GRIK4: variants seen among roughly 807,000 people sequenced by gnomAD.
GRIK4 encodes glutamate ionotropic receptor kainate type subunit 4, also known as glutamate receptor ionotropic, kainate 4.
Under a neutral mutation model 104.9 loss-of-function variants are expected in GRIK4, and 40 were observed. The observed-to-expected ratio is 0.38, with a 90% CI of 0.30 to 0.50. The LOEUF (loss-of-function observed/expected upper bound fraction) is 0.50, where lower values mean the gene tolerates loss of function less well. GRIK4 is among the 20% of genes least tolerant of loss of function. The probability of loss-of-function intolerance (pLI) is 0.93; values close to 1 mark genes in which losing one functional copy is unlikely to be tolerated. For missense variants in GRIK4, 1,047 were observed against 1,308.1 expected (o/e 0.80, Z 3.08); for synonymous variants, 485 against 524.9 (o/e 0.92, Z 1.04).
chr11:120,760,219 T>C (rs1352055721), intron 3 of GRIK4, among the ~76,000 whole-genome samples: 6 of 151,756 alleles, frequency 4.0e-5, no homozygotes, highest in African/African-American at 1.4e-4. Context: ...AAAAATATTC[T>C]ACATATAACT....
rs547473094 is a variant in GRIK4, at chr11:120,731,075, C to T, written c.82+70675C>T. Among the ~76,000 whole-genome samples, 50 of 152,100 alleles carry T rather than the reference C, an allele frequency of 3.3e-4. No homozygotes were observed. In the East Asian group the frequency reaches 5.4e-3, roughly 16 times the overall value. On this transcript the variant is annotated intron_variant, in intron 3 of 20. Coordinates refer to ENST00000527524, the MANE Select transcript of GRIK4 (RefSeq NM_014619.5). ...TTTCTTTCTTTCTCTTGTCTGATTG[C>T]TCTAGCTAGGACTTCCAGTACTATG...
Position 120,836,851 on chromosome 11 carries a change from T to A in GRIK4, c.744+7T>A, listed in dbSNP as rs2135574250. On this transcript the variant is annotated splice_region_variant and intron_variant, in intron 8 of 20. Transcript: ENST00000527524. ...ATACATCTTCACTAATCTGGTAAGA[T>A]GTTCTCACAGCTCACCTCCTTGGAA... 1.9e-6 allele frequency: 3 copies of A among 1,552,774 alleles called. No individual in the cohort carries two copies. The highest frequency in any genetic ancestry group is 2.2e-5 in the East Asian group (1 of 44,632).
At chr11:120,871,258 T>C (rs1954602708) in intron 9 of GRIK4, 1 of 184,632 alleles carries the variant, frequency 5.4e-6, no homozygotes, top group African/African-American at 2.3e-5. Context: ...AAAGGGAGAA[T>C]CTGCAGCATT....
chr11:120,862,149 G>T (rs758833030), intron 9 of GRIK4, 29 bp downstream of exon 9: 2 of 1,600,316 alleles, frequency 1.2e-6, no homozygotes, highest in Non-Finnish European at 1.7e-6. Context: ...TCTTCCTGGT[G>T]CCCCTTGGCC....
At chr11:120,735,017 A>G (rs1218212403) in intron 3 of GRIK4, among the ~76,000 whole-genome samples, 6 of 152,168 alleles carry the variant, frequency 3.9e-5, no homozygotes, top group African/African-American at 9.7e-5. Flanking sequence ...CAACACAGCT[A>G]TTTTGAATTC....
At chr11:120,797,232 C>T (rs1952537288) in intron 3 of GRIK4, among the ~76,000 whole-genome samples, 1 of 152,192 alleles carries the variant, frequency 6.6e-6, no homozygotes, top group African/African-American at 2.4e-5. Flanking sequence ...CCCCAGACCT[C>T]CCAGCCTCAC....
chr11:120,922,216 A>G (rs775540019), intron 13 of GRIK4, among the ~76,000 whole-genome samples: 14 of 152,298 alleles, frequency 9.2e-5, no homozygotes, highest in Middle Eastern at 3.4e-3. Flanking sequence ...TATTGCCCCC[A>G]TTTTATAGAT....
chr11:120,727,385 G>A (rs1453919608), intron 3 of GRIK4, among the ~76,000 whole-genome samples: 1 of 152,176 alleles, frequency 6.6e-6, no homozygotes, highest in African/African-American at 2.4e-5. Context: ...CAGAAAGGAA[G>A]CCACCAGAAA....
intron 3 of GRIK4, among the ~76,000 whole-genome samples, chr11:120,774,267 G>T (rs1273675675): frequency 6.6e-6 from 1 of 152,194 alleles, no homozygotes; most frequent in Non-Finnish European, 1.5e-5. Context: ...TGCTAGGGAG[G>T]TGGCTTTAGG....
chr11:120,890,076 C>T (rs537989868), intron 11 of GRIK4, among the ~76,000 whole-genome samples: 1 of 152,296 alleles, frequency 6.6e-6, no homozygotes, highest in East Asian at 1.9e-4. Context: ...AATCTCCTGA[C>T]TTCTGGCCGG....
chr11:120,637,994 C>G (rs1250591131), intron 1 of GRIK4, among the ~76,000 whole-genome samples: 6 of 152,206 alleles, frequency 3.9e-5, no homozygotes, highest in Non-Finnish European at 7.4e-5. Flanking sequence ...ATTCTCCTGT[C>G]TCAGCCTCCT....
chr11:120,561,941 A>G (rs945117354), intron 1 of GRIK4, among the ~76,000 whole-genome samples: 4 of 152,248 alleles, frequency 2.6e-5, no homozygotes, highest in Non-Finnish European at 5.9e-5. Context: ...GGCAAAGAAT[A>G]TCCAGGAGGG....
At chr11:120,806,810 G>A (rs1952721020) in intron 4 of GRIK4, among the ~76,000 whole-genome samples, 1 of 152,306 alleles carries the variant, frequency 6.6e-6, no homozygotes. Flanking sequence ...GAAGCCAGAG[G>A]TCAGCCCCCT....
In GRIK4 at chr11:120,929,745, C is replaced by A. The variant is rs539192338; in HGVS notation, c.1477-10602C>A. 3.3e-5 allele frequency among the ~76,000 whole-genome samples: 5 copies of A among 152,238 alleles called. No individual in the cohort carries two copies. The South Asian group carries it at 1.0e-3, about 32-fold the overall frequency. On this transcript the variant is annotated intron_variant, in intron 13 of 20. Coordinates refer to ENST00000527524, the MANE Select transcript of GRIK4 (RefSeq NM_014619.5). ...TGGGGCCCTTCCTCTTCTGGTTGGG[C>A]GTCCCACATGACACCGTCCAAGGTG...
chr11:120,601,159 A>G (rs1948880700), intron 1 of GRIK4, among the ~76,000 whole-genome samples: 1 of 151,928 alleles, frequency 6.6e-6, no homozygotes, highest in African/African-American at 2.4e-5. Flanking sequence ...TAATCCCAGC[A>G]CTTTGGGAGG....
At chr11:120,927,096 T>C (rs759972097) in intron 13 of GRIK4, among the ~76,000 whole-genome samples, 55 of 152,016 alleles carry the variant, frequency 3.6e-4, no homozygotes, top group Non-Finnish European at 7.1e-4. Flanking sequence ...TGTTCAGAAA[T>C]CAGGATGGGG....
At chr11:120,877,020 G>C (rs897105882) in intron 11 of GRIK4, among the ~76,000 whole-genome samples, 1 of 152,194 alleles carries the variant, frequency 6.6e-6, no homozygotes, top group African/African-American at 2.4e-5. Flanking sequence ...TAATTATGCT[G>C]GGCCCTGAGG....
At chr11:120,585,276 A>G (rs1007865077) in intron 1 of GRIK4, among the ~76,000 whole-genome samples, 16 of 152,164 alleles carry the variant, frequency 1.1e-4, no homozygotes, top group African/African-American at 3.4e-4. Flanking sequence ...GGGTACACAC[A>G]TATCTCTTTG....
At chr11:120,665,516 A>T (rs1373819405) in intron 3 of GRIK4, among the ~76,000 whole-genome samples, 1 of 152,116 alleles carries the variant, frequency 6.6e-6, no homozygotes, top group Admixed American at 6.5e-5. Context: ...TCATGTCTGT[A>T]TTTCCAGAGT....
Sources: allele counts gnomAD v4.1 joint callset (sites outside exome capture counted in the v4.1 genomes callset), GRCh38; gene constraint gnomAD v4.1.1; transcripts MANE v1.5; gene names NCBI Gene and HGNC (gene_info 2026-07-23, HGNC 2026-07-21).